XPR1: variants seen among roughly 807,000 people sequenced by gnomAD.
XPR1 encodes xenotropic and polytropic retrovirus receptor 1, also known as solute carrier family 53 member 1.
A neutral mutation model predicts 87.5 loss-of-function variants in XPR1; 28 were observed. The ratio of observed to expected loss-of-function variants is 0.32; its 90% CI spans 0.24 to 0.44. The LOEUF is 0.44. XPR1 is among the 20% of genes least tolerant of loss of function. The pLI, the probability that XPR1 is intolerant of heterozygous loss-of-function variation, is 1.00. For missense variants in XPR1, 559 were observed against 862.3 expected, an observed-to-expected ratio of 0.65 and a Z score of 4.41; for synonymous variants, 300 against 306.1, an observed-to-expected ratio of 0.98 and a Z score of 0.21.
intron 2 of XPR1, among the ~76,000 whole-genome samples, chr1:180,718,315 T>C (rs530114340): frequency 2.6e-5 from 4 of 152,296 alleles, no homozygotes; most frequent in African/African-American, 9.6e-5. Flanking sequence ...GGATACTTCA[T>C]AGCTCTGATA....
chr1:180,828,977 G>A (rs530326166), intron 9 of XPR1, among the ~76,000 whole-genome samples: 31 of 152,084 alleles, frequency 2.0e-4, no homozygotes, highest in African/African-American at 5.5e-4. Context: ...TGGGAGGATC[G>A]CTTAAGCCCA....
At chr1:180,686,272 T>G (rs1656773497) in intron 2 of XPR1, among the ~76,000 whole-genome samples, 1 of 152,222 alleles carries the variant, frequency 6.6e-6, no homozygotes, top group Non-Finnish European at 1.5e-5. Context: ...AGCAGGTTGT[T>G]CAGTTTCCAT....
intron 2 of XPR1, among the ~76,000 whole-genome samples, chr1:180,698,726 C>T (rs1341788158): frequency 6.6e-6 from 1 of 151,888 alleles, no homozygotes; most frequent in Non-Finnish European, 1.5e-5. Context: ...AGTTTTTGCA[C>T]ATTTGGAAAA....
chr1:180,696,204 GTGTGTATATATA>G (rs1479365161), intron 2 of XPR1, among the ~76,000 whole-genome samples: 3 of 102,410 alleles, frequency 2.9e-5, no homozygotes, highest in African/African-American at 1.1e-4. Context: ...GTGTGTGTGT[GTGTGTATATATA>G]TATATATATA....
intron 1 of XPR1, among the ~76,000 whole-genome samples, chr1:180,642,497 G>C (rs1654991691): frequency 1.3e-5 from 2 of 151,866 alleles, no homozygotes; most frequent in African/African-American, 2.4e-5. Flanking sequence ...AGTGTGCCAG[G>C]CATTTTACAT....
intron 4 of XPR1, among the ~76,000 whole-genome samples, chr1:180,804,186 A>G (rs561545653): frequency 1.7e-4 from 26 of 152,182 alleles, no homozygotes; most frequent in African/African-American, 5.5e-4. Flanking sequence ...GGGTTTTACC[A>G]TGTTGGCCAG....
intron 1 of XPR1, among the ~76,000 whole-genome samples, chr1:180,648,621 C>G (rs1655195790): frequency 6.6e-6 from 1 of 152,152 alleles, no homozygotes; most frequent in South Asian, 2.1e-4. Context: ...ATTCCCCTGC[C>G]TCAGCCTCCT....
intron 2 of XPR1, among the ~76,000 whole-genome samples, chr1:180,746,305 T>G (rs978299507): frequency 3.3e-5 from 5 of 152,184 alleles, no homozygotes; most frequent in Admixed American, 6.5e-5. Flanking sequence ...CGGTGTCCAT[T>G]ATACCATTCT....
intron 2 of XPR1, among the ~76,000 whole-genome samples, chr1:180,787,246 AAAG>A (rs1378188151): frequency 6.6e-6 from 1 of 151,834 alleles, no homozygotes; most frequent in Non-Finnish European, 1.5e-5. Flanking sequence ...TCATTCACTT[AAAG>A]AAGGTTTGTG....
chr1:180,706,634 CAG>C (rs1245589926), intron 2 of XPR1, among the ~76,000 whole-genome samples: 1 of 151,574 alleles, frequency 6.6e-6, no homozygotes, highest in Non-Finnish European at 1.5e-5. Context: ...TTCCCCGAGG[CAG>C]AGTCTCGCAC....
intron 2 of XPR1, among the ~76,000 whole-genome samples, chr1:180,712,738 G>A (rs554107293): frequency 2.0e-5 from 3 of 151,904 alleles, no homozygotes; most frequent in Admixed American, 6.6e-5. Context: ...CCTGGGAGGC[G>A]GAGGTTGCAT....
intron 13 of XPR1, among the ~76,000 whole-genome samples, chr1:180,874,655 A>C (rs1201738386): frequency 6.6e-6 from 1 of 152,050 alleles, no homozygotes; most frequent in Non-Finnish European, 1.5e-5. Flanking sequence ...GCACTGTTGC[A>C]CTCCAACCTG....
chr1:180,704,278 T>A lies in XPR1; in HGVS notation c.121+21867T>A, dbSNP rs10914075. Among the ~76,000 whole-genome samples, 259 of 31,872 alleles carry A rather than the reference T, an allele frequency of 8.1e-3. 1 individual carries two copies. Among genetic ancestry groups the A allele is most frequent in the East Asian group, 0.043 (58 of 1,336 alleles). 20.9% of individuals were successfully genotyped at this position (31,872 alleles called of 152,430 possible). A position where few individuals can be genotyped will look rare whatever the true frequency, so the allele number is the denominator to read the frequency against. ...TATATATATATATATATATATATAT[T>A]ATCAGATTATCTGTTTTGTTACTAC... On this transcript the variant is annotated intron_variant, in intron 2 of 14. Transcript: ENST00000367590.
At chr1:180,794,200 T>A (rs1454636819) in intron 3 of XPR1, among the ~76,000 whole-genome samples, 2 of 152,238 alleles carry the variant, frequency 1.3e-5, no homozygotes. Context: ...TATAGCCTGT[T>A]GCTCCTAGGC....
chr1:180,636,374 A>G (rs1654758300), intron 1 of XPR1, among the ~76,000 whole-genome samples: 1 of 152,246 alleles, frequency 6.6e-6, no homozygotes, highest in African/African-American at 2.4e-5. Flanking sequence ...CTTGTAAATG[A>G]TTGCGTCAAT....
At chr1:180,838,460 C>T (rs1341181400) in intron 11 of XPR1, among the ~76,000 whole-genome samples, 1 of 152,098 alleles carries the variant, frequency 6.6e-6, no homozygotes, top group Non-Finnish European at 1.5e-5. Context: ...AGCTGAAAAT[C>T]CAAATTCCTC....
chr1:180,875,003 T>C (rs1267043951), intron 13 of XPR1, among the ~76,000 whole-genome samples: 1 of 152,178 alleles, frequency 6.6e-6, no homozygotes, highest in Admixed American at 6.5e-5. Flanking sequence ...CTGAATGACA[T>C]ACGTAGAGAA....
chr1:180,684,689 G>A (rs1656703778), intron 2 of XPR1, among the ~76,000 whole-genome samples: 1 of 152,114 alleles, frequency 6.6e-6, no homozygotes, highest in South Asian at 2.1e-4. Flanking sequence ...AGTTCTCCCT[G>A]AAGAGGTCCT....
intron 1 of XPR1, among the ~76,000 whole-genome samples, chr1:180,669,474 C>G (rs1033243594): frequency 6.6e-6 from 1 of 152,094 alleles, no homozygotes; most frequent in East Asian, 1.9e-4. Flanking sequence ...CCTCCGCCTT[C>G]CGGGTTCAAG....
Sources: allele counts gnomAD v4.1 joint callset (sites outside exome capture counted in the v4.1 genomes callset), GRCh38; gene constraint gnomAD v4.1.1; transcripts MANE v1.5; gene names NCBI Gene and HGNC (gene_info 2026-07-23, HGNC 2026-07-21).